CHD7: variants seen among roughly 807,000 people sequenced by gnomAD.
CHD7 encodes chromodomain helicase DNA binding protein 7.
A neutral mutation model predicts 307.3 loss-of-function variants in CHD7; 24 were observed. That is an observed-to-expected ratio of 0.08 (90% CI 0.06 to 0.11). The LOEUF is 0.11. Ranked by LOEUF, CHD7 falls within the 10% of genes least tolerant of loss-of-function variation. The pLI, the probability that CHD7 is intolerant of heterozygous loss-of-function variation, is 1.00. For synonymous variants in CHD7, 1,363 were observed against 1,349.9 expected (o/e 1.01, Z -0.21); for missense variants, 3,106 against 3,727.1 (o/e 0.83, Z 4.34).
At chr8:60,759,675 C>T (rs1463467283) in intron 2 of CHD7, among the ~76,000 whole-genome samples, 2 of 152,186 alleles carry the variant, frequency 1.3e-5, no homozygotes, top group Admixed American at 6.5e-5. Flanking sequence ...ACTCTGCTGT[C>T]CCAGGGAAGT....
intron 1 of CHD7, among the ~76,000 whole-genome samples, chr8:60,690,738 C>T (rs140841021): frequency 2.0e-5 from 3 of 152,270 alleles, no homozygotes; most frequent in African/African-American, 7.2e-5. Context: ...GTGCCACTGC[C>T]ATAGCACCAC....
At chr8:60,797,328 T>G (rs1298501161) in intron 4 of CHD7, among the ~76,000 whole-genome samples, 1 of 152,240 alleles carries the variant, frequency 6.6e-6, no homozygotes, top group African/African-American at 2.4e-5. Context: ...ACATAGGAAG[T>G]GACCTCGTAT....
chr8:60,738,913 C>G (rs1380477430), intron 1 of CHD7, among the ~76,000 whole-genome samples: 1 of 152,168 alleles, frequency 6.6e-6, no homozygotes, highest in African/African-American at 2.4e-5. Flanking sequence ...GGAAGAGGAG[C>G]ACAGCCAAGG....
intron 4 of CHD7, 136 bp from the exon 5 acceptor site, chr8:60,800,252 T>C: frequency 1.5e-6 from 1 of 682,900 alleles, no homozygotes; most frequent in Non-Finnish European, 2.3e-6. Flanking sequence ...CAGGATGGTC[T>C]CGATCTCCTG....
At chr8:60,722,241 T>A (rs1339608774) in intron 1 of CHD7, among the ~76,000 whole-genome samples, 1 of 152,188 alleles carries the variant, frequency 6.6e-6, no homozygotes, top group Non-Finnish European at 1.5e-5. Flanking sequence ...GGCCCTGCCC[T>A]GTCAAGGATG....
chr8:60,826,746 TG>T (rs890883745), intron 13 of CHD7, among the ~76,000 whole-genome samples: 4 of 152,202 alleles, frequency 2.6e-5, no homozygotes, highest in Non-Finnish European at 5.9e-5. Flanking sequence ...ACCATCTCGT[TG>T]TCCCCCATCC....
At chr8:60,728,436 T>C (rs1022894014) in intron 1 of CHD7, among the ~76,000 whole-genome samples, 1 of 152,176 alleles carries the variant, frequency 6.6e-6, no homozygotes, top group Non-Finnish European at 1.5e-5. Context: ...GTTAGTGATA[T>C]ACTGAGATGT....
intron 6 of CHD7, among the ~76,000 whole-genome samples, chr8:60,805,879 G>GA (rs1812515465): frequency 1.3e-5 from 2 of 151,996 alleles, no homozygotes; most frequent in Non-Finnish European, 2.9e-5. Flanking sequence ...CTTCAAAATT[G>GA]AAAAAATATA....
At chr8:60,823,394 T>TATAGATAG (rs34150494) in intron 12 of CHD7, among the ~76,000 whole-genome samples, 143 of 145,550 alleles carry the variant, frequency 9.8e-4, no homozygotes, top group Non-Finnish European at 1.3e-3. Context: ...TTTTGCTATA[T>TATAGATAG]ATAGATAGAT....
chr8:60,811,347 G>T (rs1026779898), intron 7 of CHD7, among the ~76,000 whole-genome samples: 1 of 152,064 alleles, frequency 6.6e-6, no homozygotes, highest in Non-Finnish European at 1.5e-5. Context: ...ACTAATCCCA[G>T]GTTTATCCTT....
chr8:60,730,755 G>A (rs1196834584), intron 1 of CHD7, among the ~76,000 whole-genome samples: 7 of 152,102 alleles, frequency 4.6e-5, no homozygotes, highest in East Asian at 1.9e-4. Flanking sequence ...AGCTACTTGG[G>A]AGGCTGAGGC....
At chr8:60,850,379 A>G in intron 25 of CHD7, 114 bp from the exon 26 acceptor site, 2 of 1,301,772 alleles carry the variant, frequency 1.5e-6, no homozygotes, top group Non-Finnish European at 2.1e-6. Flanking sequence ...TTCAACAGAG[A>G]TGCTAACCTT....
At chr8:60,795,206 T>G in intron 4 of CHD7, 79 bp downstream of exon 4, 1 of 1,318,458 alleles carries the variant, frequency 7.6e-7, no homozygotes, top group Non-Finnish European at 1.1e-6. Context: ...ACACAAGACC[T>G]CCCCTATCTT....
intron 7 of CHD7, among the ~76,000 whole-genome samples, chr8:60,809,196 T>C (rs750799430): frequency 2.0e-5 from 3 of 152,236 alleles, no homozygotes; most frequent in African/African-American, 4.8e-5. Flanking sequence ...TCTGAAGAAG[T>C]TGTGAGTAAA....
chr8:60,860,864 TC>T (rs746189829), intron 34 of CHD7, 39 bp from the exon 35 acceptor site: 1 of 1,471,744 alleles, frequency 6.8e-7, no homozygotes, highest in South Asian at 1.2e-5. Flanking sequence ...AGAGGCTCTC[TC>T]TTCGTGTGAG....
At position 60,852,604 on chromosome 8, in the gene CHD7, G is replaced by T; in HGVS notation, c.6001G>T (p.Ala2001Ser). The T allele has an allele frequency of 1.2e-6, 2 of 1,613,930 alleles. No individual in the cohort carries two copies. The highest frequency in any genetic ancestry group is 1.1e-5 in the South Asian group (1 of 91,066). ...QFDWNQFRAF[A>S]RLDKKSDESL... ...TGACTGGAACCAATTTAGAGCCTTT[G>T]CCAGGCTTGACAAAAAATCTGATGA... Residue 2001 changes from alanine (A) to serine (S), a missense_variant, in exon 30 of 38, where the codon GCC (alanine) becomes TCC (serine). Physicochemically the swap from Ala to Ser is moderately conservative, Grantham distance 99. Coordinates refer to ENST00000423902, the MANE Select transcript of CHD7 (RefSeq NM_017780.4).
At chr8:60,851,225 A>G in intron 27 of CHD7, 37 bp from the exon 28 acceptor site, 1 of 1,539,934 alleles carries the variant, frequency 6.5e-7, no homozygotes, top group Middle Eastern at 1.7e-4. Flanking sequence ...ATGAGACCCC[A>G]AATTAAAGTA....
intron 1 of CHD7, among the ~76,000 whole-genome samples, chr8:60,714,352 C>G (rs1280626653): frequency 6.8e-6 from 1 of 148,108 alleles, no homozygotes; most frequent in African/African-American, 2.5e-5. Flanking sequence ...GCGGCCACTT[C>G]CTGACCGGAA....
At position 60,863,083 on chromosome 8, in the gene CHD7, C is replaced by T. The variant is rs79418336; in HGVS notation, c.8076+431C>T. ...TGTTACCATTAGCTTTTTAAAAATTCGTTCATGACATGCTGGTTCTTTGTT... is the reference window on the plus strand; with the variant it reads ...TGTTACCATTAGCTTTTTAAAAATTTGTTCATGACATGCTGGTTCTTTGTT... On this transcript the variant is annotated intron_variant, in intron 37 of 37. Transcript: ENST00000423902. 4.3e-3 allele frequency: 682 copies of T among 157,292 alleles called. 5 individuals are homozygous for T. Among genetic ancestry groups the T allele is most frequent in the African/African-American group, 0.016 (653 of 41,702 alleles). 9.7% of individuals were successfully genotyped at this position (157,292 alleles called of 1,614,324 possible). A position where few individuals can be genotyped will look rare whatever the true frequency, so the allele number is the denominator to read the frequency against.
Sources: gnomAD v4.1 joint callset for allele counts (sites outside exome capture counted in the v4.1 genomes callset) on GRCh38, gnomAD v4.1.1 for gene constraint, MANE v1.5 for transcripts, NCBI Gene and HGNC (gene_info 2026-07-23, HGNC 2026-07-21) for gene names.